The following TUSC3 variants were observed in gnomAD, a reference collection of about 807,000 sequenced individuals.
TUSC3 encodes the protein dolichyl-diphosphooligosaccharide--protein glycosyltransferase subunit TUSC3.
In TUSC3, 45 loss-of-function variants were observed where a neutral mutation model predicts 44.8. The observed-to-expected ratio is 1.00, with a 90% confidence interval of 0.79 to 1.29. The LOEUF is 1.29. Among genes scored for constraint, TUSC3 ranks in the 50% most tolerant of loss-of-function variants. TUSC3 has a pLI of 0.00. For missense variants in TUSC3, 519 were observed against 437.9 expected, an observed-to-expected ratio of 1.19 and a Z score of -1.65; for synonymous variants, 212 against 152.9, an observed-to-expected ratio of 1.39 and a Z score of -2.85.
chr8:15,535,243 C>G (rs1801505491), upstream of TUSC3, among the ~76,000 whole-genome samples: 1 of 152,156 alleles, frequency 6.6e-6, no homozygotes, highest in Admixed American at 6.5e-5. Flanking sequence ...TCTTTGTGCA[C>G]TCCAGTTTGA....
the TUSC3 span, among the ~76,000 whole-genome samples, chr8:15,835,280 A>G: frequency 1.3e-5 from 2 of 152,170 alleles, no homozygotes; most frequent in South Asian, 4.2e-4. Flanking sequence ...AATATCTTCT[A>G]TGTCTCTGTT....
At chr8:15,626,511 T>TG (rs1563141102) in intron 2 of TUSC3, among the ~76,000 whole-genome samples, 1 of 152,176 alleles carries the variant, frequency 6.6e-6, no homozygotes. Context: ...GTGTGCTCTT[T>TG]GGGGCAGGAA....
chr8:15,659,934 C>G (rs969638165), intron 4 of TUSC3, among the ~76,000 whole-genome samples: 2 of 151,964 alleles, frequency 1.3e-5, no homozygotes, highest in Admixed American at 6.6e-5. Context: ...TGGTAGTAAT[C>G]AAGGAAATTC....
intron 1 of TUSC3, among the ~76,000 whole-genome samples, chr8:15,595,569 C>T (rs1462475032): frequency 3.3e-5 from 5 of 151,952 alleles, no homozygotes; most frequent in Non-Finnish European, 7.4e-5. Context: ...GTTTTGTTTC[C>T]TTTTGTTTGT....
Position 15,765,788 on chromosome 8 carries a change from C to T in TUSC3, c.*1632C>T, listed in dbSNP as rs532778348. 2 of 152,130 alleles carry T rather than the reference C, an allele frequency of 1.3e-5. No individual in the cohort carries two copies. The highest frequency in any genetic ancestry group is 4.8e-5 in the African/African-American group (2 of 41,536). 9.4% of individuals were successfully genotyped at this position (152,130 alleles called of 1,614,324 possible). On this transcript the variant is annotated 3_prime_UTR_variant, in exon 11 of 11. Coordinates refer to ENST00000503731, the MANE Select transcript of TUSC3 (RefSeq NM_006765.4). ...TTAATCATTTGATCACTGCCTATCA[C>T]TAGGCAGAACTTGACCTGTAATTCT...
At chr8:15,444,740 G>C (rs1451768650) in intron 1 of TUSC3, among the ~76,000 whole-genome samples, 4 of 151,148 alleles carry the variant, frequency 2.6e-5, no homozygotes, top group Non-Finnish European at 4.4e-5. Context: ...CTCTAACTCA[G>C]AAATGTAGCA....
rs149401450 is a variant in TUSC3 at position 15,642,415 on chromosome 8, C to T, written c.309-8282C>T. 2.3e-3 allele frequency among the ~76,000 whole-genome samples: 354 copies of T among 152,208 alleles called. 1 individual carries two copies. The highest frequency in any genetic ancestry group is 7.0e-3 in the Admixed American group (107 of 15,282). ...ATGAAGATAAATATGAATAAATATA[C>T]GAAAGGGTTCCTGGCATACACTAAA... On this transcript the variant is annotated intron_variant, in intron 2 of 10. Coordinates refer to ENST00000503731, the MANE Select transcript of TUSC3 (RefSeq NM_006765.4).
intron 1 of TUSC3, among the ~76,000 whole-genome samples, chr8:15,574,076 T>C (rs189084843): frequency 3.9e-5 from 6 of 152,250 alleles, no homozygotes; most frequent in Middle Eastern, 3.4e-3. Context: ...TTGTCTTGGA[T>C]GGACCTAACA....
intron 2 of TUSC3, among the ~76,000 whole-genome samples, chr8:15,486,859 C>T (rs992714840): frequency 6.6e-6 from 1 of 152,096 alleles, no homozygotes; most frequent in African/African-American, 2.4e-5. Flanking sequence ...TCTTTAGGTC[C>T]ATAAATAAGC....
At chr8:15,787,464 G>A in the TUSC3 span, among the ~76,000 whole-genome samples, 1 of 152,134 alleles carries the variant, frequency 6.6e-6, no homozygotes, top group East Asian at 1.9e-4. Flanking sequence ...TTCCTGGAGT[G>A]TATGTGCATC....
chr8:15,427,901 T>G (rs2129116357), intron 1 of TUSC3, among the ~76,000 whole-genome samples: 1 of 152,260 alleles, frequency 6.6e-6, no homozygotes, highest in African/African-American at 2.4e-5. Context: ...TTTAAGTCTT[T>G]ATTCCATTGT....
chr8:15,608,796 T>G lies in TUSC3; in HGVS notation c.139-14284T>G, dbSNP rs111520488. Among the ~76,000 whole-genome samples the G allele has an allele frequency of 5.5e-3, 841 of 152,320 alleles. 5 individuals are homozygous for G. The highest frequency in any genetic ancestry group is 0.019 in the African/African-American group (805 of 41,570). The stretch of plus-strand genomic sequence containing the variant: ...CTGAGGCTCTCCAGCCATGCGTAAC[T>G]GTCAGTCAATTAAACCTCTTTCCTT... On this transcript the variant is annotated intron_variant, in intron 1 of 10. Coordinates refer to ENST00000503731, the MANE Select transcript of TUSC3 (RefSeq NM_006765.4).
At chr8:15,568,320 CAG>C (rs960434710) in intron 1 of TUSC3, among the ~76,000 whole-genome samples, 1 of 152,076 alleles carries the variant, frequency 6.6e-6, no homozygotes, top group African/African-American at 2.4e-5. Flanking sequence ...GCCATCAATG[CAG>C]AAATAAACAA....
chr8:15,479,105 C>G (rs529441410), intron 1 of TUSC3, among the ~76,000 whole-genome samples: 2 of 152,218 alleles, frequency 1.3e-5, no homozygotes, highest in East Asian at 1.9e-4. Flanking sequence ...TGTTCATGTC[C>G]TTTGCCTGCT....
chr8:15,825,666 A>G, the TUSC3 span, among the ~76,000 whole-genome samples: 424 of 152,312 alleles, frequency 2.8e-3, 4 homozygotes, highest in Non-Finnish European at 4.2e-3. Context: ...TTAGAGGAAA[A>G]CAGAACATAC....
chr8:15,786,941 C>CAA, the TUSC3 span, among the ~76,000 whole-genome samples: 10,572 of 63,374 alleles, frequency 0.17, 998 homozygotes, highest in Non-Finnish European at 0.18. Context: ...GAGACTCCAT[C>CAA]AAAAAAAAAA....
intron 1 of TUSC3, among the ~76,000 whole-genome samples, chr8:15,440,744 C>A (rs546310540): frequency 1.3e-5 from 2 of 152,156 alleles, no homozygotes; most frequent in African/African-American, 4.8e-5. Context: ...CTATGATATT[C>A]TTCAGGAAAC....
intron 6 of TUSC3, among the ~76,000 whole-genome samples, chr8:15,723,456 A>T (rs745751712): frequency 1.3e-5 from 2 of 152,142 alleles, no homozygotes; most frequent in East Asian, 1.9e-4. Flanking sequence ...CAAGCACAAG[A>T]TATGTGCAGC....
chr8:15,716,828 A>G (rs183474920), intron 6 of TUSC3, among the ~76,000 whole-genome samples: 85 of 152,094 alleles, frequency 5.6e-4, no homozygotes, highest in African/African-American at 2.0e-3. Flanking sequence ...TTTCTCTACT[A>G]TTTATACGAT....
Sources: allele counts gnomAD v4.1 joint callset (sites outside exome capture counted in the v4.1 genomes callset), GRCh38; gene constraint gnomAD v4.1.1; transcripts MANE v1.5; gene names NCBI Gene and HGNC (gene_info 2026-07-23, HGNC 2026-07-21).